The following USP10 variants were observed in gnomAD, a reference collection of about 807,000 sequenced individuals.
USP10 encodes ubiquitin carboxyl-terminal hydrolase 10.
Under a neutral mutation model 84.5 loss-of-function variants are expected in USP10, and 22 were observed. The ratio of observed to expected loss-of-function variants is 0.26; its 90% CI spans 0.19 to 0.37. USP10 has a LOEUF of 0.37. USP10 is among the 10% of genes least tolerant of loss of function. The pLI is 1.00. For missense variants in USP10, 1,019 were observed against 998.9 expected, an observed-to-expected ratio of 1.02 and a Z score of -0.27; for synonymous variants, 454 against 387.6, an observed-to-expected ratio of 1.17 and a Z score of -2.01.
chr16:84,777,587 G>A (rs1567658614), intron 13 of USP10, among the ~76,000 whole-genome samples: 1 of 152,164 alleles, frequency 6.6e-6, no homozygotes, highest in Non-Finnish European at 1.5e-5. Flanking sequence ...CTGTCCCTAT[G>A]CTGTTCAGTC....
At chr16:84,721,720 A>G (rs1214544656) in intron 1 of USP10, among the ~76,000 whole-genome samples, 1 of 151,086 alleles carries the variant, frequency 6.6e-6, no homozygotes, top group African/African-American at 2.5e-5. Context: ...TGTTTTAGAG[A>G]TTGAGTCTTG....
intron 4 of USP10, among the ~76,000 whole-genome samples, chr16:84,747,830 G>A (rs1911422141): frequency 6.6e-6 from 1 of 151,974 alleles, no homozygotes; most frequent in African/African-American, 2.4e-5. Flanking sequence ...GCCTCCCAAA[G>A]TGTTGGGATT....
intron 13 of USP10, among the ~76,000 whole-genome samples, chr16:84,776,647 G>C (rs1338494098): frequency 6.6e-6 from 1 of 152,142 alleles, no homozygotes; most frequent in Admixed American, 6.5e-5. Context: ...TTCCCCTGGA[G>C]GCTCTTGCGG....
At chr16:84,764,939 A>ATATAT (rs1555548055) in intron 10 of USP10, among the ~76,000 whole-genome samples, 2 of 132,250 alleles carry the variant, frequency 1.5e-5, no homozygotes, top group African/African-American at 5.6e-5. Context: ...GAGAAAAAAA[A>ATATAT]ATATATATAT....
At chr16:84,722,020 A>C (rs1907877308) in intron 1 of USP10, among the ~76,000 whole-genome samples, 1 of 152,192 alleles carries the variant, frequency 6.6e-6, no homozygotes, top group Non-Finnish European at 1.5e-5. Context: ...ACAGATGTAT[A>C]CACCAAAGTA....
Position 84,745,691 on chromosome 16 carries a change from C to T in USP10, c.1192+18C>T, listed in dbSNP as rs1240180752. 2 of 1,590,616 alleles carry T rather than the reference C, an allele frequency of 1.3e-6. No individual in the cohort carries two copies. Among genetic ancestry groups the T allele is most frequent in the African/African-American group, 1.3e-5 (1 of 74,580 alleles). On this transcript the variant is annotated intron_variant, in intron 4 of 13. Transcript: ENST00000219473. ...GATTGCAGGTATAGTTGAAAAGATACAAATCTAGAGTGAAGATGGGAGCAG... is the reference window on the plus strand; with the variant it reads ...GATTGCAGGTATAGTTGAAAAGATATAAATCTAGAGTGAAGATGGGAGCAG...
At chr16:84,740,070 T>C (rs1244327939) in intron 2 of USP10, among the ~76,000 whole-genome samples, 1 of 152,258 alleles carries the variant, frequency 6.6e-6, no homozygotes, top group Non-Finnish European at 1.5e-5. Flanking sequence ...TCCTTTTGGC[T>C]TCATTTTCGG....
At chr16:84,712,498 A>G (rs1454807367) in intron 1 of USP10, among the ~76,000 whole-genome samples, 1 of 152,206 alleles carries the variant, frequency 6.6e-6, no homozygotes, top group Non-Finnish European at 1.5e-5. Context: ...GACCAGTTGA[A>G]GCAAACAGAG....
rs10699847 is a variant in USP10 at position 84,720,576 on chromosome 16, A to ATTTTTTTTTTTTTTTTTTTTTTT, written c.22-12858_22-12836dup. The stretch of plus-strand genomic sequence containing the variant: ...ATGCAGAATAAAAAGATGATGCCCA[A>ATTTTTTTTTTTTTTTTTTTTTTT]TTTTTTTTTTTTTTTTTTTTTTTGA... On this transcript the variant is annotated intron_variant, in intron 1 of 13. Coordinates refer to ENST00000219473, the MANE Select transcript of USP10 (RefSeq NM_005153.3). Among the ~76,000 whole-genome samples, 52 of 88,348 alleles carry ATTTTTTTTTTTTTTTTTTTTTTT rather than the reference A, an allele frequency of 5.9e-4. 7 individuals are homozygous for ATTTTTTTTTTTTTTTTTTTTTTT. Among genetic ancestry groups the ATTTTTTTTTTTTTTTTTTTTTTT allele is most frequent in the East Asian group, 2.9e-3 (6 of 2,034 alleles). The allele number at this position is 88,348 out of a possible 152,430, so 58.0% of individuals were successfully genotyped here. A position where few individuals can be genotyped will look rare whatever the true frequency, so the allele number is the denominator to read the frequency against.
At chr16:84,747,232 C>G (rs1243184474) in intron 4 of USP10, among the ~76,000 whole-genome samples, 2 of 152,166 alleles carry the variant, frequency 1.3e-5, no homozygotes, top group Non-Finnish European at 2.9e-5. Flanking sequence ...TTAAAATAAG[C>G]TGTTTGGTTT....
In USP10 at chr16:84,740,393, C is replaced by A. The variant is rs769936956; in HGVS notation, c.151+24C>A. 1.2e-5 allele frequency: 19 copies of A among 1,606,114 alleles called. No individual in the cohort carries two copies. The African/African-American group carries it at 2.5e-4, about 21-fold the overall frequency. On this transcript the variant is annotated intron_variant, in intron 3 of 13. Coordinates refer to ENST00000219473, the MANE Select transcript of USP10 (RefSeq NM_005153.3). Reference sequence around the variant, plus strand: ...TGGTAAGCTAGTTCTCTCCTTATTTCCCTGAAGGGAATTTGGCCATACGTG... The same window carrying A: ...TGGTAAGCTAGTTCTCTCCTTATTTACCTGAAGGGAATTTGGCCATACGTG...
intron 9 of USP10, among the ~76,000 whole-genome samples, 163 bp from the exon 10 acceptor site, chr16:84,763,923 G>A (rs535572058): frequency 6.6e-6 from 1 of 151,926 alleles, no homozygotes; most frequent in Non-Finnish European, 1.5e-5. Context: ...GCGATTGGCC[G>A]TGGATCCAGT....
rs1338019596 is a variant in USP10 at position 84,763,056 on chromosome 16, A to C, written c.1622A>C (p.Asn541Thr). Residue 541 changes from asparagine to threonine, a missense_variant, in exon 9 of 14, where the codon AAC (asparagine) becomes ACC (threonine). Physicochemically the swap from Asn to Thr is moderately conservative, Grantham distance 65. Coordinates refer to ENST00000219473, the MANE Select transcript of USP10 (RefSeq NM_005153.3). Reference protein sequence around the residue: ...ILNGLHEEMLNLKKLLSPSNE... With the variant: ...ILNGLHEEMLTLKKLLSPSNE... ...AATGGACTTCATGAGGAAATGTTGAACCTAAAGAAGCTTCTCTCACCAAGT... is the reference window on the plus strand; with the variant it reads ...AATGGACTTCATGAGGAAATGTTGACCCTAAAGAAGCTTCTCTCACCAAGT... 2 of 1,612,178 alleles carry C rather than the reference A, an allele frequency of 1.2e-6. No homozygotes were observed. Among genetic ancestry groups the C allele is most frequent in the Admixed American group, 3.3e-5 (2 of 59,930 alleles).
At chr16:84,742,166 A>C (rs1451044389) in intron 3 of USP10, among the ~76,000 whole-genome samples, 2 of 152,216 alleles carry the variant, frequency 1.3e-5, no homozygotes, top group African/African-American at 4.8e-5. Flanking sequence ...AACAAGTAAT[A>C]ATCACATCAA....
Position 84,768,065 on chromosome 16 carries a change from T to A in USP10, c.1833-128T>A, listed in dbSNP as rs148153933. ...TTTTAAATTCAGTATATTTTTGGCT[T>A]TTCTCTGTGGTCTTTTGAAAGTGAT... On this transcript the variant is annotated intron_variant, in intron 10 of 13. Transcript: ENST00000219473. The A allele has an allele frequency of 3.0e-5, 35 of 1,155,298 alleles. No homozygotes were observed. The East Asian group carries it at 8.8e-4, about 29-fold the overall frequency. 71.6% of individuals were successfully genotyped at this position (1,155,298 alleles called of 1,614,324 possible). A position where few individuals can be genotyped will look rare whatever the true frequency, so the allele number is the denominator to read the frequency against.
chr16:84,720,337 A>T (rs772476166), intron 1 of USP10, among the ~76,000 whole-genome samples: 4 of 152,196 alleles, frequency 2.6e-5, no homozygotes, highest in Non-Finnish European at 5.9e-5. Flanking sequence ...AACAGATGGC[A>T]CTTACAAGTT....
chr16:84,726,573 T>C (rs1176674823), intron 1 of USP10, among the ~76,000 whole-genome samples: 6 of 152,234 alleles, frequency 3.9e-5, no homozygotes, highest in African/African-American at 1.4e-4. Flanking sequence ...TTTGTTCCCA[T>C]CCCTGCTGTG....
chr16:84,729,430 T>C (rs1340165113), intron 1 of USP10, among the ~76,000 whole-genome samples: 1 of 152,248 alleles, frequency 6.6e-6, no homozygotes, highest in Non-Finnish European at 1.5e-5. Context: ...GATTCCTTTA[T>C]ATGTGGTTAT....
rs377233979 is a variant in USP10, at chr16:84,701,934, C to T, written c.21+1823C>T. ...TAGTTTGATTTCTCATAATTTTCTT[C>T]TTCTTTTTTTTTTTTTTTTTGAGTT... On this transcript the variant is annotated intron_variant, in intron 1 of 13. Coordinates refer to ENST00000219473, the MANE Select transcript of USP10 (RefSeq NM_005153.3). 8.7e-4 allele frequency among the ~76,000 whole-genome samples: 81 copies of T among 92,610 alleles called. 2 individuals are homozygous for T. Among genetic ancestry groups the T allele is most frequent in the South Asian group, 2.1e-3 (6 of 2,792 alleles). 60.8% of individuals were successfully genotyped at this position (92,610 alleles called of 152,430 possible).
Sources: allele counts gnomAD v4.1 joint callset (sites outside exome capture counted in the v4.1 genomes callset), GRCh38; gene constraint gnomAD v4.1.1; transcripts MANE v1.5; gene names NCBI Gene and HGNC (gene_info 2026-07-23, HGNC 2026-07-21).